Variants in SNX2 observed in about 807,000 individuals in gnomAD.
The protein encoded by SNX2 is sorting nexin-2.
A neutral mutation model predicts 69.9 loss-of-function variants in SNX2; 25 were observed. That is an observed-to-expected ratio of 0.36 (90% CI 0.26 to 0.50). SNX2 has a LOEUF of 0.50. Among genes scored for constraint, SNX2 ranks in the 20% least tolerant of loss-of-function variants. SNX2 has a pLI of 0.97. For missense variants in SNX2, 551 were observed against 613.3 expected (o/e 0.90, Z 1.07); for synonymous variants, 229 against 200.4 (o/e 1.14, Z -1.20).
Position 122,829,914 on chromosome 5 carries a change from T to TGTC in SNX2, c.*266_*267insGTC. On this transcript the variant is annotated 3_prime_UTR_variant, in exon 15 of 15. Transcript: ENST00000379516. ...TTGCTGAATTGAACACTATTGTGTC[T>TGTC]TAAATACTTGCACTAAATAGTGCAC... 2.1e-6 allele frequency: 1 copy of TGTC among 481,216 alleles called. No homozygotes were observed. Among genetic ancestry groups the TGTC allele is most frequent in the Non-Finnish European group, 3.8e-6 (1 of 265,404 alleles). The allele number at this position is 481,216 out of a possible 1,614,324, so 29.8% of individuals were successfully genotyped here. A position where few individuals can be genotyped will look rare whatever the true frequency, so the allele number is the denominator to read the frequency against.
At chr5:122,793,074 TA>T (rs1386946021) in intron 1 of SNX2, among the ~76,000 whole-genome samples, 1 of 152,214 alleles carries the variant, frequency 6.6e-6, no homozygotes, top group Admixed American at 6.5e-5. Context: ...TAATAACTTC[TA>T]AAGCTGAACA....
At chr5:122,787,166 C>G (rs772340112) in intron 1 of SNX2, among the ~76,000 whole-genome samples, 15 of 152,086 alleles carry the variant, frequency 9.9e-5, no homozygotes, top group Non-Finnish European at 2.1e-4. Context: ...TAGTAGGAAC[C>G]TGGAAGAGGC....
At chr5:122,791,197 C>T (rs1753228366) in intron 1 of SNX2, among the ~76,000 whole-genome samples, 1 of 148,538 alleles carries the variant, frequency 6.7e-6, no homozygotes, top group Non-Finnish European at 1.5e-5. Context: ...GATCTTGGCT[C>T]ACCACAACCT....
intron 7 of SNX2, 155 bp from the exon 8 acceptor site, chr5:122,815,736 TATTAA>T: frequency 7.2e-6 from 3 of 416,024 alleles, no homozygotes; most frequent in East Asian, 7.4e-5. Context: ...CCTTTTTAAT[TATTAA>T]ATTGCTGTAA....
chr5:122,827,354 T>G, intron 12 of SNX2, 25 bp from the exon 13 acceptor site: 8 of 1,593,362 alleles, frequency 5.0e-6, no homozygotes, highest in Non-Finnish European at 6.9e-6. Context: ...GAGATAAGCA[T>G]AAAATATTTC....
Position 122,795,334 on chromosome 5 carries a change from A to C in SNX2, c.177A>C (p.Pro59=), listed in dbSNP as rs1180753724. ...ATATTAGTGCAAACTCCAATGGCCC[A>C]AAACCCACAGAAGTTGTATTAGATG... is the stretch of plus-strand genomic sequence containing the variant. The part of the protein sequence containing the change: ...AEDISANSNG[P]KPTEVVLDDD... Residue 59 remains proline (P), a synonymous_variant, in exon 2 of 15, where the codon CCA becomes CCC. Coordinates refer to ENST00000379516, the MANE Select transcript of SNX2 (RefSeq NM_003100.4). The C allele has an allele frequency of 3.1e-6, 5 of 1,613,638 alleles. No homozygotes were observed. Among genetic ancestry groups the C allele is most frequent in the African/African-American group, 2.7e-5 (2 of 74,936 alleles).
At position 122,826,137 on chromosome 5, in the gene SNX2, A is replaced by T. The variant is rs755123716; in HGVS notation, c.1300A>T (p.Met434Leu). 2.5e-6 allele frequency: 4 copies of T among 1,613,154 alleles called. No individual in the cohort carries two copies. The highest frequency in any genetic ancestry group is 3.4e-6 in the Non-Finnish European group (4 of 1,179,448). ...CAAAAAACGTGAAGCTGAAGCAAAA[A>T]TGATGGTTGCTAACAAACCAGATAA... ...LLKKREAEAK[M>L]MVANKPDKIQ... Residue 434 changes from methionine (M) to leucine (L), a missense_variant, in exon 12 of 15, where the codon ATG (methionine) becomes TTG (leucine). Met to Leu is a conservative substitution (Grantham distance 15, BLOSUM62 2). Transcript: ENST00000379516.
At chr5:122,819,919 ATTC>A (rs1753982308) in intron 11 of SNX2, among the ~76,000 whole-genome samples, 1 of 152,194 alleles carries the variant, frequency 6.6e-6, no homozygotes, top group South Asian at 2.1e-4. Context: ...TTACTAGAGC[ATTC>A]TTAGCACTTC....
chr5:122,795,659 T>G, intron 2 of SNX2: 1 of 253,900 alleles, frequency 3.9e-6, no homozygotes, highest in Non-Finnish European at 7.5e-6. Flanking sequence ...AAAAGACTAA[T>G]CATTGTGATG....
chr5:122,800,679 T>C (rs1229142408), intron 3 of SNX2, among the ~76,000 whole-genome samples: 1 of 152,208 alleles, frequency 6.6e-6, no homozygotes, highest in Non-Finnish European at 1.5e-5. Context: ...TAAAGGTTTA[T>C]TGAACTGTAC....
intron 2 of SNX2, among the ~76,000 whole-genome samples, chr5:122,796,690 TATAGGGTC>T (rs1753385875): frequency 6.6e-6 from 1 of 152,214 alleles, no homozygotes; most frequent in African/African-American, 2.4e-5. Flanking sequence ...CCTTTAATGG[TATAGGGTC>T]ATACATAGAG....
At chr5:122,777,371 T>A (rs6890797) in intron 1 of SNX2, among the ~76,000 whole-genome samples, 4,056 of 152,318 alleles carry the variant, frequency 0.027, 150 homozygotes, top group African/African-American at 0.079. Context: ...GTGCTTCTGG[T>A]CCATAGACAA....
intron 7 of SNX2, 184 bp downstream of exon 7, chr5:122,808,539 GTT>G: frequency 2.2e-6 from 1 of 464,594 alleles, no homozygotes; most frequent in Non-Finnish European, 3.8e-6. Flanking sequence ...CTGTATAATT[GTT>G]CTGTATAATT....
At chr5:122,809,738 GTT>G (rs1002581148) in intron 7 of SNX2, among the ~76,000 whole-genome samples, 1 of 151,872 alleles carries the variant, frequency 6.6e-6, no homozygotes, top group Non-Finnish European at 1.5e-5. Context: ...CTTATTTCTA[GTT>G]TTCAGTAGTA....
chr5:122,805,881 T>C (rs1179454167), intron 6 of SNX2, among the ~76,000 whole-genome samples: 1 of 151,956 alleles, frequency 6.6e-6, no homozygotes, highest in Non-Finnish European at 1.5e-5. Flanking sequence ...CCCGGGTTCA[T>C]GCTATTCTCC....
intron 12 of SNX2, among the ~76,000 whole-genome samples, chr5:122,827,124 A>G (rs1048147198): frequency 6.6e-6 from 1 of 152,078 alleles, no homozygotes; most frequent in African/African-American, 2.4e-5. Flanking sequence ...TAAGCTTTGG[A>G]CATTGTAGTT....
At chr5:122,824,930 A>T (rs1754120026) in intron 11 of SNX2, among the ~76,000 whole-genome samples, 1 of 152,162 alleles carries the variant, frequency 6.6e-6, no homozygotes. Flanking sequence ...ATAAATGTAG[A>T]CATCACTTCC....
intron 11 of SNX2, among the ~76,000 whole-genome samples, chr5:122,821,642 A>G (rs1412909666): frequency 1.3e-5 from 2 of 151,922 alleles, no homozygotes; most frequent in Admixed American, 6.6e-5. Context: ...TTTTTAGTAG[A>G]GACGAGGTTT....
chr5:122,778,292 A>T (rs1458888184), intron 1 of SNX2, among the ~76,000 whole-genome samples: 1 of 152,200 alleles, frequency 6.6e-6, no homozygotes, highest in Non-Finnish European at 1.5e-5. Flanking sequence ...ATGGGGGCAC[A>T]GATATCGCCA....
Sources: allele counts gnomAD v4.1 joint callset (sites outside exome capture counted in the v4.1 genomes callset), GRCh38; gene constraint gnomAD v4.1.1; transcripts MANE v1.5; gene names NCBI Gene and HGNC (gene_info 2026-07-23, HGNC 2026-07-21).